ZNF79: variants seen among roughly 807,000 people sequenced by gnomAD.
ZNF79 encodes zinc finger protein 79.
ZNF79 carries 13 observed loss-of-function variants against 14.9 expected under a neutral mutation model. That is an observed-to-expected ratio of 0.87 (90% confidence interval 0.57 to 1.38). ZNF79 has a LOEUF of 1.38. Ranked by LOEUF, ZNF79 falls within the 40% of genes most tolerant of loss-of-function variation. The probability of loss-of-function intolerance (pLI) is 0.00; values close to 1 mark genes in which losing one functional copy is unlikely to be tolerated. For synonymous variants in ZNF79, 223 were observed against 235.1 expected, an observed-to-expected ratio of 0.95 and a Z score of 0.47; for missense variants, 631 against 630.6, an observed-to-expected ratio of 1.00 and a Z score of -0.01.
rs779807527 is a variant in ZNF79, at chr9:127,445,229, G to A, written c.*32G>A. 25 of 1,601,874 alleles carry A rather than the reference G, an allele frequency of 1.6e-5. 1 individual carries two copies. In the East Asian group the frequency reaches 3.8e-4, roughly 24 times the overall value. On this transcript the variant is annotated 3_prime_UTR_variant, in exon 5 of 5. Coordinates refer to ENST00000342483, the MANE Select transcript of ZNF79 (RefSeq NM_007135.3). ...ACATGGTAGAAGTGGAGAGAGTCCC[G>A]GACATGCCGACTCAGGACAGGTGGG...
At position 127,445,043 on chromosome 9, in the gene ZNF79, A is replaced by G. The variant is rs1834140693; in HGVS notation, c.1343A>G (p.Asn448Ser). ...IHTGEKPYEC[N>S]ECGKAFNQSS... is the part of the protein sequence containing the mutation. ...ACCGGAGAAAAACCTTATGAGTGTA[A>G]TGAGTGTGGTAAAGCGTTTAACCAG... The change falls in exon 5 of 5, where the codon AAT (asparagine) becomes AGT (serine). Residue 448 changes from asparagine to serine, a missense_variant. By Grantham distance (46) the Asn-to-Ser change is conservative. Coordinates refer to ENST00000342483, the MANE Select transcript of ZNF79 (RefSeq NM_007135.3). 2.5e-6 allele frequency: 4 copies of G among 1,613,868 alleles called. No individual in the cohort carries two copies. The highest frequency in any genetic ancestry group is 1.3e-5 in the African/African-American group (1 of 74,820).
chr9:127,441,433 C>T (rs1834045679), intron 4 of ZNF79, among the ~76,000 whole-genome samples: 1 of 152,172 alleles, frequency 6.6e-6, no homozygotes, highest in African/African-American at 2.4e-5. Context: ...CAAAAGATTA[C>T]ACAATTTTCC....
intron 4 of ZNF79, among the ~76,000 whole-genome samples, chr9:127,443,276 A>T (rs561777579): frequency 1.3e-5 from 2 of 151,980 alleles, no homozygotes; most frequent in South Asian, 2.1e-4. Context: ...TTACCCAGGC[A>T]TGGTGGTATG....
Position 127,424,637 on chromosome 9 carries a change from T to C in ZNF79, c.-151T>C. 8.1e-7 allele frequency: 1 copy of C among 1,230,968 alleles called. No homozygotes were observed. Among genetic ancestry groups the C allele is most frequent in the Non-Finnish European group, 1.2e-6 (1 of 866,836 alleles). 76.3% of individuals were successfully genotyped at this position (1,230,968 alleles called of 1,614,324 possible). ...GCTCCCGCGACCCAGCACCGCAGGA[T>C]CAGACCGTGCCTCTGCGGGGAGAGG... On this transcript the variant is annotated 5_prime_UTR_variant, in exon 1 of 5. Coordinates refer to ENST00000342483, the MANE Select transcript of ZNF79 (RefSeq NM_007135.3).
At chr9:127,433,088 T>C (rs930978590) in intron 2 of ZNF79, among the ~76,000 whole-genome samples, 1 of 152,086 alleles carries the variant, frequency 6.6e-6, no homozygotes, top group African/African-American at 2.4e-5. Context: ...GGCATAGATA[T>C]TTCTTTGTTT....
At chr9:127,426,447 TCACC>T (rs1293098692) in intron 1 of ZNF79, among the ~76,000 whole-genome samples, 17 of 150,656 alleles carry the variant, frequency 1.1e-4, no homozygotes, top group Non-Finnish European at 2.4e-4. Flanking sequence ...CGATCTCAGC[TCACC>T]GCAACCTCCG....
intron 1 of ZNF79, among the ~76,000 whole-genome samples, chr9:127,427,350 G>A (rs1833776198): frequency 6.6e-6 from 1 of 151,276 alleles, no homozygotes. Flanking sequence ...TTGAACCTGG[G>A]AGGTGGAGGT....
intron 4 of ZNF79, among the ~76,000 whole-genome samples, chr9:127,436,569 C>T (rs536014253): frequency 3.6e-4 from 55 of 152,332 alleles, no homozygotes; most frequent in African/African-American, 1.3e-3. Context: ...GTTTCCACTG[C>T]GTCTCTCTTA....
rs1177948596 is a variant in ZNF79 at position 127,444,528 on chromosome 9, C to T, written c.828C>T (p.Pro276=). ...KHQRTHTGEK[P]YRCSECEKAF... ...AGCGAACCCACACCGGAGAGAAGCC[C>T]TACAGATGCAGCGAGTGTGAGAAAG... The change falls in exon 5 of 5, where the codon CCC becomes CCT. Residue 276 remains proline, a synonymous_variant. Coordinates refer to ENST00000342483, the MANE Select transcript of ZNF79 (RefSeq NM_007135.3). The T allele has an allele frequency of 6.2e-7, 1 of 1,613,578 alleles. No homozygotes were observed. The highest frequency in any genetic ancestry group is 1.7e-5 in the Admixed American group (1 of 59,980).
chr9:127,429,242 C>T (rs757183385), intron 2 of ZNF79, among the ~76,000 whole-genome samples: 3 of 151,968 alleles, frequency 2.0e-5, no homozygotes, highest in Admixed American at 6.5e-5. Context: ...TCTCGAGGTC[C>T]TGACCTCAAC....
At chr9:127,442,861 A>G (rs1033433005) in intron 4 of ZNF79, among the ~76,000 whole-genome samples, 5 of 151,714 alleles carry the variant, frequency 3.3e-5, no homozygotes, top group African/African-American at 9.7e-5. Flanking sequence ...TCCTGTCTCA[A>G]AATCTGTGTG....
At chr9:127,438,328 A>G (rs564122556) in intron 4 of ZNF79, among the ~76,000 whole-genome samples, 1 of 152,328 alleles carries the variant, frequency 6.6e-6, no homozygotes, top group East Asian at 1.9e-4. Context: ...TTAATTTATT[A>G]GAGAAAGGAC....
rs774096726 is a variant in ZNF79, at chr9:127,436,026, A to G, written c.328+23A>G. 6.8e-6 allele frequency: 11 copies of G among 1,607,926 alleles called. No individual in the cohort carries two copies. In the South Asian group the frequency reaches 9.9e-5, roughly 14 times the overall value. ...CAGGTATGTGAGCAAGCACTTAGCC[A>G]GTGGGAGTCTTGGGAGCAAAAGCGC... is the stretch of plus-strand genomic sequence containing the variant. On this transcript the variant is annotated intron_variant, in intron 4 of 4. Coordinates refer to ENST00000342483, the MANE Select transcript of ZNF79 (RefSeq NM_007135.3).
chr9:127,443,697 C>T (rs1267674275), intron 4 of ZNF79, among the ~76,000 whole-genome samples: 1 of 151,944 alleles, frequency 6.6e-6, no homozygotes, highest in Non-Finnish European at 1.5e-5. Context: ...GTCAGGAAAT[C>T]GAGACTATCC....
chr9:127,426,120 A>T (rs1017291941), intron 1 of ZNF79, among the ~76,000 whole-genome samples: 2 of 152,352 alleles, frequency 1.3e-5, no homozygotes, highest in Admixed American at 1.3e-4. Flanking sequence ...TTATTCAGAT[A>T]TCATTCACAT....
intron 2 of ZNF79, among the ~76,000 whole-genome samples, chr9:127,431,122 G>T (rs147781413): frequency 2.3e-3 from 352 of 151,870 alleles, no homozygotes; most frequent in African/African-American, 8.1e-3. Flanking sequence ...TTTTAACGTG[G>T]TTATTTGTTT....
intron 4 of ZNF79, among the ~76,000 whole-genome samples, chr9:127,442,299 G>C (rs1410983185): frequency 1.3e-5 from 2 of 151,676 alleles, no homozygotes; most frequent in Non-Finnish European, 2.9e-5. Flanking sequence ...CACTTGGGAG[G>C]CTGAGGCAGG....
At position 127,444,703 on chromosome 9, in the gene ZNF79, T is replaced by C. The variant is rs1390562667; in HGVS notation, c.1003T>C (p.Cys335Arg). The change falls in exon 5 of 5, where the codon TGC (cysteine) becomes CGC (arginine). Residue 335 changes from cysteine (C) to arginine (R), a missense_variant. By Grantham distance (180) the Cys-to-Arg change is radical. Coordinates refer to ENST00000342483, the MANE Select transcript of ZNF79 (RefSeq NM_007135.3). ...RTHTGEKPYK[C>R]SECGKAFSYC... is the part of the protein sequence containing the mutation. ...TCACACCGGGGAGAAGCCCTACAAG[T>C]GCAGCGAGTGTGGGAAGGCCTTCAG... 1 of 1,613,726 alleles carries C rather than the reference T, an allele frequency of 6.2e-7. No homozygotes were observed. Among genetic ancestry groups the C allele is most frequent in the Admixed American group, 1.7e-5 (1 of 59,982 alleles).
intron 1 of ZNF79, 72 bp from the exon 2 acceptor site, chr9:127,428,760 C>G (rs1833806035): frequency 1.5e-6 from 2 of 1,365,240 alleles, no homozygotes; most frequent in Non-Finnish European, 1.9e-6. Context: ...CTGCTATGTC[C>G]CCTCTTCACA....
Sources: allele counts gnomAD v4.1 joint callset (sites outside exome capture counted in the v4.1 genomes callset), GRCh38; gene constraint gnomAD v4.1.1; transcripts MANE v1.5; gene names NCBI Gene and HGNC (gene_info 2026-07-23, HGNC 2026-07-21).